The following CNBD1 variants were observed in gnomAD, a reference collection of about 807,000 sequenced individuals.
The protein encoded by CNBD1 is cyclic nucleotide binding domain containing 1.
In CNBD1, 71 loss-of-function variants were observed where a neutral mutation model predicts 54.4. That is an observed-to-expected ratio of 1.30 (90% CI 1.08 to 1.59). The LOEUF (loss-of-function observed/expected upper bound fraction) is 1.59. Among genes scored for constraint, CNBD1 ranks in the 40% most tolerant of loss-of-function variants. The pLI is 0.00. For missense variants in CNBD1, 659 were observed against 518.0 expected (o/e 1.27, Z -2.64); for synonymous variants, 182 against 170.7 (o/e 1.07, Z -0.51).
At chr8:87,251,794 T>C (rs930299345) in intron 6 of CNBD1, among the ~76,000 whole-genome samples, 1 of 152,130 alleles carries the variant, frequency 6.6e-6, no homozygotes, top group Non-Finnish European at 1.5e-5. Flanking sequence ...AAACATTTCA[T>C]TCTTCTTACA....
chr8:87,118,813 C>T (rs773448340), intron 4 of CNBD1, among the ~76,000 whole-genome samples: 8 of 152,152 alleles, frequency 5.3e-5, no homozygotes, highest in Non-Finnish European at 8.8e-5. Context: ...CAATTATATG[C>T]TTCATTAGTT....
chr8:86,875,026 T>TATATA (rs1387332747), intron 1 of CNBD1, among the ~76,000 whole-genome samples: 5 of 110,830 alleles, frequency 4.5e-5, no homozygotes, highest in African/African-American at 1.9e-4. Flanking sequence ...ATATATGTAT[T>TATATA]AAAAATTGTG....
chr8:86,934,786 A>G (rs1809515169), intron 3 of CNBD1, among the ~76,000 whole-genome samples: 1 of 152,120 alleles, frequency 6.6e-6, no homozygotes, highest in Non-Finnish European at 1.5e-5. Flanking sequence ...TATTCCTGAT[A>G]TATTCCCAAA....
chr8:87,381,901 G>A (rs1336690895), intron 10 of CNBD1, among the ~76,000 whole-genome samples: 1 of 151,878 alleles, frequency 6.6e-6, no homozygotes, highest in East Asian at 1.9e-4. Flanking sequence ...TACACAAGAT[G>A]AATAAGTTCT....
chr8:87,076,923 A>G (rs933586164), intron 4 of CNBD1, among the ~76,000 whole-genome samples: 1 of 152,360 alleles, frequency 6.6e-6, no homozygotes, highest in East Asian at 1.9e-4. Context: ...ATCATTGCAC[A>G]TGATATAAAT....
At chr8:87,286,484 T>G in intron 7 of CNBD1, 55 bp from the exon 8 acceptor site, 1 of 1,021,638 alleles carries the variant, frequency 9.8e-7, no homozygotes, top group Non-Finnish European at 1.5e-6. Context: ...ATTTGCTATT[T>G]CTTTGATTTT....
At chr8:87,271,095 A>T (rs1287686224) in intron 6 of CNBD1, among the ~76,000 whole-genome samples, 1 of 151,634 alleles carries the variant, frequency 6.6e-6, no homozygotes, top group Non-Finnish European at 1.5e-5. Context: ...GATTCTCTGT[A>T]TCTCTGTGAT....
chr8:87,184,310 T>G (rs1424290025), intron 4 of CNBD1, among the ~76,000 whole-genome samples: 1 of 152,140 alleles, frequency 6.6e-6, no homozygotes. Context: ...GGCAGGACCT[T>G]GGAAGACACC....
chr8:87,028,685 G>A (rs1809709844), intron 4 of CNBD1, among the ~76,000 whole-genome samples: 1 of 152,152 alleles, frequency 6.6e-6, no homozygotes, highest in Non-Finnish European at 1.5e-5. Flanking sequence ...AAATGCAGGG[G>A]GCCTGATGTC....
At chr8:87,138,264 CAACT>C (rs1001540368) in intron 4 of CNBD1, among the ~76,000 whole-genome samples, 2 of 152,032 alleles carry the variant, frequency 1.3e-5, no homozygotes, top group African/African-American at 4.8e-5. Context: ...AGGAGGTTAC[CAACT>C]GAGTGCAGTA....
chr8:87,342,326 G>A (rs1295250665), intron 8 of CNBD1, among the ~76,000 whole-genome samples: 3 of 151,634 alleles, frequency 2.0e-5, no homozygotes, highest in Non-Finnish European at 4.4e-5. Context: ...TTGAATTAGT[G>A]TCTCCATGGG....
chr8:86,907,860 G>T (rs1809041920), intron 3 of CNBD1, among the ~76,000 whole-genome samples: 1 of 152,020 alleles, frequency 6.6e-6, no homozygotes, highest in Non-Finnish European at 1.5e-5. Context: ...ATTTTTAAAG[G>T]AATAAAACTG....
intron 4 of CNBD1, among the ~76,000 whole-genome samples, chr8:86,972,808 T>G (rs1808253794): frequency 6.6e-6 from 1 of 152,168 alleles, no homozygotes; most frequent in Non-Finnish European, 1.5e-5. Context: ...GTTCCTTTCT[T>G]GCCTGTTAGA....
chr8:87,162,614 G>T (rs973979624), intron 4 of CNBD1, among the ~76,000 whole-genome samples: 27 of 152,040 alleles, frequency 1.8e-4, no homozygotes, highest in Non-Finnish European at 2.9e-4. Flanking sequence ...ATCTTAACTG[G>T]ATAATTTGTA....
At chr8:86,978,961 A>G (rs892641934) in intron 4 of CNBD1, among the ~76,000 whole-genome samples, 1 of 152,146 alleles carries the variant, frequency 6.6e-6, no homozygotes, top group African/African-American at 2.4e-5. Context: ...ATATAGCTGA[A>G]CATTCCAAGT....
intron 3 of CNBD1, among the ~76,000 whole-genome samples, chr8:86,928,373 A>G (rs1037036590): frequency 2.1e-4 from 32 of 152,156 alleles, no homozygotes; most frequent in African/African-American, 7.5e-4. Flanking sequence ...AGTTTCCTTA[A>G]GTGCCTCTTG....
intron 4 of CNBD1, among the ~76,000 whole-genome samples, chr8:87,001,896 T>C (rs1440948161): frequency 6.6e-6 from 1 of 152,212 alleles, no homozygotes; most frequent in South Asian, 2.1e-4. Context: ...TTCACTACTT[T>C]AGGAAGTCAC....
intron 4 of CNBD1, among the ~76,000 whole-genome samples, chr8:86,991,439 A>G (rs1808746235): frequency 1.3e-5 from 2 of 151,540 alleles, no homozygotes; most frequent in Non-Finnish European, 1.5e-5. Flanking sequence ...TGCTCTGCCA[A>G]TCTTATTCAT....
rs1486098290 is a variant in CNBD1, at chr8:86,974,886, CATATA to C, written c.431+35133_431+35137del. Among the ~76,000 whole-genome samples the C allele has an allele frequency of 3.9e-5, 6 of 152,034 alleles. No individual in the cohort carries two copies. In the East Asian group the frequency reaches 1.2e-3, roughly 29 times the overall value. On this transcript the variant is annotated intron_variant, in intron 4 of 10. Coordinates refer to ENST00000518476, the MANE Select transcript of CNBD1 (RefSeq NM_173538.3). ...TGTTTCATCCATATCTTTTACATAT[CATATA>C]GGATTTTTAAAAATTATGTAAATAA... is the stretch of plus-strand genomic sequence containing the variant.
Sources: gnomAD v4.1 joint callset for allele counts (sites outside exome capture counted in the v4.1 genomes callset) on GRCh38, gnomAD v4.1.1 for gene constraint, MANE v1.5 for transcripts, NCBI Gene and HGNC (gene_info 2026-07-23, HGNC 2026-07-21) for gene names.